Variants in DOCK11 observed in about 807,000 individuals in gnomAD.
DOCK11 encodes dedicator of cytokinesis protein 11.
A neutral mutation model predicts 169.1 loss-of-function variants in DOCK11; 70 were observed. That is an observed-to-expected ratio of 0.41 (90% confidence interval 0.34 to 0.51). DOCK11 has a LOEUF of 0.51. DOCK11 is among the 20% of genes least tolerant of loss of function. DOCK11 has a pLI of 0.10. For missense variants in DOCK11, 1,166 were observed against 1,538.8 expected (o/e 0.76, Z 4.05); for synonymous variants, 529 against 541.3 (o/e 0.98, Z 0.32).
chrX:118,562,634 T>A, intron 7 of DOCK11, among the ~76,000 whole-genome samples: 1 of 112,197 alleles, frequency 8.9e-6, no homozygotes, highest in Admixed American at 9.5e-5. Flanking sequence ...TATTCTGTGC[T>A]CTGGTCACAC....
At chrX:118,671,990 T>G (rs1414217796) in intron 46 of DOCK11, among the ~76,000 whole-genome samples, 2 of 112,638 alleles carry the variant, frequency 1.8e-5, no homozygotes, top group African/African-American at 6.5e-5. Flanking sequence ...GAAAATATTT[T>G]TATCTAGCAA....
At chrX:118,562,173 A>C (rs1831955705) in intron 7 of DOCK11, among the ~76,000 whole-genome samples, 1 of 109,412 alleles carries the variant, frequency 9.1e-6, no homozygotes, top group Admixed American at 9.7e-5. Context: ...CACAAAAAAA[A>C]AAAAAGGAAA....
chrX:118,609,249 G>A (rs775226686), intron 26 of DOCK11, 29 bp from the exon 27 acceptor site: 16 of 1,121,283 alleles, frequency 1.4e-5, no homozygotes, highest in East Asian at 3.1e-5. Flanking sequence ...TTTGGTAACC[G>A]TTAAAGATTC....
rs2057533220 is a variant in DOCK11, at chrX:118,495,968, T to TGCC, written c.-3_-1dup. 6.6e-6 allele frequency: 7 copies of TGCC among 1,068,092 alleles called. No individual in the cohort carries two copies. Among genetic ancestry groups the TGCC allele is most frequent in the Non-Finnish European group, 8.5e-6 (7 of 826,967 alleles). 88.0% of individuals were successfully genotyped at this position (1,068,092 alleles called of 1,213,427 possible). A position where few individuals can be genotyped will look rare whatever the true frequency, so the allele number is the denominator to read the frequency against. ...CCCGCCGAGACCCGCCCGCCGCCGC[T>TGCC]GCCATGGCCGAAGTGCGCAAATTCA... On this transcript the variant is annotated 5_prime_UTR_variant, in exon 1 of 53. Coordinates refer to ENST00000276202, the MANE Select transcript of DOCK11 (RefSeq NM_144658.4).
chrX:118,593,645 A>G (rs1157697957), intron 20 of DOCK11, among the ~76,000 whole-genome samples: 1 of 111,168 alleles, frequency 9.0e-6, no homozygotes, highest in Non-Finnish European at 1.9e-5. Flanking sequence ...AACCCACCAG[A>G]TCTCGTGAGA....
rs748545880 is a variant in DOCK11 at position 118,502,789 on chromosome X, C to A, written c.102+6716C>A. Among the ~76,000 whole-genome samples the A allele has an allele frequency of 8.0e-5, 8 of 99,618 alleles. No individual in the cohort carries two copies. In the East Asian group the frequency reaches 1.2e-3, roughly 15 times the overall value. The allele number at this position is 99,618 out of a possible 115,157, so 86.5% of individuals were successfully genotyped here. On this transcript the variant is annotated intron_variant, in intron 1 of 52. Transcript: ENST00000276202. ...CAAAACAAACAAACAAACAAACAAA[C>A]AAAAAAACAGTATTCCAGAAGGATC...
chrX:118,610,374 G>T lies in DOCK11; in HGVS notation c.3052G>T (p.Asp1018Tyr), dbSNP rs779565571. 8.3e-7 allele frequency: 1 copy of T among 1,209,107 alleles called. No individual in the cohort carries two copies. The highest frequency in any genetic ancestry group is 1.8e-5 in the African/African-American group (1 of 56,971). Residue 1018 changes from aspartate to tyrosine, a missense_variant, in exon 28 of 53, where the codon GAT becomes TAT. Coordinates refer to ENST00000276202, the MANE Select transcript of DOCK11 (RefSeq NM_144658.4). Reference sequence around the variant, plus strand: ...GACTATTCGGTATGCGGAGATTCCCGATGAGTCCAGAAATGTGAACTATAG... The same window carrying T: ...GACTATTCGGTATGCGGAGATTCCCTATGAGTCCAGAAATGTGAACTATAG... ...HVTIRYAEIP[D>Y]ESRNVNYSLA... is the part of the protein sequence containing the mutation.
intron 31 of DOCK11, 29 bp downstream of exon 31, chrX:118,618,757 C>G (rs1354915143): frequency 9.2e-7 from 1 of 1,087,009 alleles, no homozygotes; most frequent in Non-Finnish European, 1.2e-6. Context: ...TCATCAGTAT[C>G]ACACTGGTAG....
intron 45 of DOCK11, among the ~76,000 whole-genome samples, chrX:118,668,650 C>A (rs2016393655): frequency 1.8e-5 from 2 of 111,691 alleles, no homozygotes; most frequent in South Asian, 7.4e-4. Context: ...CAAAGAATCA[C>A]AGCCTATTGG....
At chrX:118,550,296 A>G (rs763553299) in intron 6 of DOCK11, among the ~76,000 whole-genome samples, 90 of 110,781 alleles carry the variant, frequency 8.1e-4, no homozygotes, top group African/African-American at 2.7e-3. Context: ...AAAATTAGCC[A>G]TGTGAATTGG....
intron 1 of DOCK11, among the ~76,000 whole-genome samples, chrX:118,533,687 A>G (rs1320839665): frequency 8.9e-6 from 1 of 112,624 alleles, no homozygotes; most frequent in African/African-American, 3.2e-5. Flanking sequence ...GGCTAAATCT[A>G]CATACCTATA....
intron 29 of DOCK11, 140 bp from the exon 30 acceptor site, chrX:118,615,458 ACT>A: frequency 2.2e-6 from 1 of 448,963 alleles, no homozygotes; most frequent in South Asian, 4.1e-5. Context: ...TGCTATGTTA[ACT>A]CTTTCCTGCA....
chrX:118,631,022 G>A (rs1295393247), intron 35 of DOCK11, among the ~76,000 whole-genome samples: 1 of 111,232 alleles, frequency 9.0e-6, no homozygotes, highest in East Asian at 2.8e-4. Flanking sequence ...GTATTTACTA[G>A]TGTCACCAGT....
intron 2 of DOCK11, 40 bp downstream of exon 2, chrX:118,542,881 T>G (rs2012080104): frequency 8.3e-7 from 1 of 1,199,637 alleles, no homozygotes; most frequent in Non-Finnish European, 1.1e-6. Flanking sequence ...AAAACCCCTA[T>G]TTTTCAAGCC....
intron 1 of DOCK11, among the ~76,000 whole-genome samples, chrX:118,509,466 G>A (rs1242234258): frequency 3.6e-5 from 4 of 111,276 alleles, no homozygotes; most frequent in African/African-American, 9.8e-5. Flanking sequence ...GTTTTACCAT[G>A]TTGGTCAGGC....
intron 40 of DOCK11, among the ~76,000 whole-genome samples, chrX:118,644,092 C>T (rs1251891757): frequency 9.0e-6 from 1 of 111,662 alleles, no homozygotes; most frequent in Non-Finnish European, 1.9e-5. Context: ...GTCCACTTAC[C>T]TCAGCTAAAC....
intron 41 of DOCK11, among the ~76,000 whole-genome samples, chrX:118,649,704 G>A (rs1384864526): frequency 9.1e-6 from 1 of 110,019 alleles, no homozygotes; most frequent in Non-Finnish European, 1.9e-5. Context: ...TAGTAGAGAC[G>A]GGGTTTCACC....
chrX:118,630,350 A>G (rs768139908), intron 34 of DOCK11, 29 bp from the exon 35 acceptor site: 2 of 975,081 alleles, frequency 2.1e-6, no homozygotes, highest in Non-Finnish European at 2.9e-6. Flanking sequence ...TTGTACTGAT[A>G]CTATTTCACG....
At chrX:118,635,993 A>C (rs1398052018) in intron 35 of DOCK11, among the ~76,000 whole-genome samples, 1 of 111,543 alleles carries the variant, frequency 9.0e-6, no homozygotes, top group Non-Finnish European at 1.9e-5. Flanking sequence ...ATCTGGCATA[A>C]AATTTTAGGG....
Sources: gnomAD v4.1 joint callset for allele counts (sites outside exome capture counted in the v4.1 genomes callset) on GRCh38, gnomAD v4.1.1 for gene constraint, MANE v1.5 for transcripts, NCBI Gene and HGNC (gene_info 2026-07-23, HGNC 2026-07-21) for gene names.